MSRA: variants seen among roughly 807,000 people sequenced by gnomAD.
MSRA encodes the protein methionine sulfoxide reductase A, also known as mitochondrial peptide methionine sulfoxide reductase.
Under a neutral mutation model 31.3 loss-of-function variants are expected in MSRA, and 54 were observed. That is an observed-to-expected ratio of 1.73 (90% CI 1.39 to 2.17). The LOEUF (loss-of-function observed/expected upper bound fraction) is 2.17, where lower values mean the gene tolerates loss of function less well. Among genes scored for constraint, MSRA ranks in the 30% most tolerant of loss-of-function variants. The pLI is 0.00. For missense variants in MSRA, 507 were observed against 300.9 expected (o/e 1.69, Z -5.07); for synonymous variants, 169 against 116.5 (o/e 1.45, Z -2.90).
chr8:10,118,044 T>A (rs1800813316), intron 1 of MSRA, among the ~76,000 whole-genome samples: 1 of 152,208 alleles, frequency 6.6e-6, no homozygotes, highest in African/African-American at 2.4e-5. Flanking sequence ...TCAAAGGTGT[T>A]GATAGGATTT....
intron 1 of MSRA, among the ~76,000 whole-genome samples, chr8:10,064,974 G>A (rs907569599): frequency 4.6e-5 from 7 of 152,092 alleles, no homozygotes; most frequent in South Asian, 4.2e-4. Flanking sequence ...TGAAAACCGC[G>A]TAAGAGTTTG....
chr8:10,226,681 G>A (rs1015902170), intron 2 of MSRA, among the ~76,000 whole-genome samples: 1 of 152,200 alleles, frequency 6.6e-6, no homozygotes, highest in African/African-American at 2.4e-5. Context: ...GGTGCCATAT[G>A]TGTGCATATA....
At chr8:10,187,039 A>G (rs565363320) in intron 1 of MSRA, among the ~76,000 whole-genome samples, 4 of 152,142 alleles carry the variant, frequency 2.6e-5, no homozygotes, top group East Asian at 1.9e-4. Context: ...TTCAATTGGG[A>G]CTTACTTTGA....
chr8:10,147,853 C>G (rs1036780619), intron 1 of MSRA, among the ~76,000 whole-genome samples: 1 of 152,220 alleles, frequency 6.6e-6, no homozygotes, highest in Non-Finnish European at 1.5e-5. Flanking sequence ...GTTCACCGCC[C>G]TTCGACTCTG....
chr8:10,264,036 T>C (rs56412062), intron 3 of MSRA, among the ~76,000 whole-genome samples: 14,148 of 152,304 alleles, frequency 0.093, 869 homozygotes, highest in Non-Finnish European at 0.15. Context: ...CTACTTGTCA[T>C]GAAAAGTATA....
At chr8:10,407,280 AC>A (rs1227273666) in intron 5 of MSRA, among the ~76,000 whole-genome samples, 1 of 152,196 alleles carries the variant, frequency 6.6e-6, no homozygotes, top group Non-Finnish European at 1.5e-5. Flanking sequence ...TCACCATCAG[AC>A]TTTCATCAGC....
rs148329516 is a variant in MSRA at position 10,143,916 on chromosome 8, G to A, written c.143-63917G>A. On this transcript the variant is annotated intron_variant, in intron 1 of 5. Transcript: ENST00000317173. ...TCGATTTTGTAGATTCTTGTCTGCTGCTTTTCTATAGGAAGTCCGTGTCAA... is the reference window on the plus strand; with the variant it reads ...TCGATTTTGTAGATTCTTGTCTGCTACTTTTCTATAGGAAGTCCGTGTCAA... Among the ~76,000 whole-genome samples the A allele has an allele frequency of 9.6e-4, 146 of 152,240 alleles. 1 individual carries two copies. Among genetic ancestry groups the A allele is most frequent in the African/African-American group, 3.4e-3 (143 of 41,534 alleles).
At chr8:10,302,131 A>C (rs1330015436) in intron 4 of MSRA, among the ~76,000 whole-genome samples, 1 of 152,246 alleles carries the variant, frequency 6.6e-6, no homozygotes, top group African/African-American at 2.4e-5. Context: ...TAGGTCCACA[A>C]AGCTTGCTCA....
chr8:10,099,315 C>A (rs1451385801), intron 1 of MSRA, among the ~76,000 whole-genome samples: 1 of 152,148 alleles, frequency 6.6e-6, no homozygotes, highest in East Asian at 1.9e-4. Context: ...AGTGTCTCAG[C>A]CGTGGGTATA....
intron 3 of MSRA, among the ~76,000 whole-genome samples, chr8:10,289,793 C>T (rs1490498934): frequency 1.3e-5 from 2 of 152,176 alleles, no homozygotes; most frequent in Non-Finnish European, 2.9e-5. Context: ...CCAGAGAAAC[C>T]TGTCTTTGCT....
At chr8:10,308,428 C>G (rs1801257039) in intron 4 of MSRA, among the ~76,000 whole-genome samples, 1 of 152,218 alleles carries the variant, frequency 6.6e-6, no homozygotes, top group Non-Finnish European at 1.5e-5. Flanking sequence ...TCTCTATCCA[C>G]TTGACCACGT....
intron 1 of MSRA, among the ~76,000 whole-genome samples, chr8:10,090,403 C>G (rs1798797071): frequency 6.6e-6 from 1 of 152,136 alleles, no homozygotes; most frequent in African/African-American, 2.4e-5. Flanking sequence ...GAAGCAGATT[C>G]AGGTGGATAA....
At position 10,210,770 on chromosome 8, in the gene MSRA, G is replaced by A. The variant is rs148651300; in HGVS notation, c.211+2869G>A. Among the ~76,000 whole-genome samples, 1,054 of 147,054 alleles carry A rather than the reference G, an allele frequency of 7.2e-3. 38 individuals are homozygous for A. The highest frequency in any genetic ancestry group is 0.064 in the Admixed American group (942 of 14,696). On this transcript the variant is annotated intron_variant, in intron 2 of 5. Coordinates refer to ENST00000317173, the MANE Select transcript of MSRA (RefSeq NM_012331.5). ...TTTTTTTGAGATGGTGTCTTACTCTGTTGCCCATGCTGGAGTGCACTGGCA... is the reference window on the plus strand; with the variant it reads ...TTTTTTTGAGATGGTGTCTTACTCTATTGCCCATGCTGGAGTGCACTGGCA...
chr8:10,078,082 G>C (rs984060656), intron 1 of MSRA, among the ~76,000 whole-genome samples: 1 of 152,198 alleles, frequency 6.6e-6, no homozygotes, highest in African/African-American at 2.4e-5. Flanking sequence ...GTTTAATTTA[G>C]AACTGCCCTA....
chr8:10,071,978 C>A (rs1399463553), intron 1 of MSRA, among the ~76,000 whole-genome samples: 1 of 152,104 alleles, frequency 6.6e-6, no homozygotes, highest in Non-Finnish European at 1.5e-5. Context: ...TCCAGGGGTC[C>A]CTCGTGGCTG....
chr8:10,301,967 G>A (rs1800873818), intron 4 of MSRA, among the ~76,000 whole-genome samples: 1 of 152,172 alleles, frequency 6.6e-6, no homozygotes, highest in Admixed American at 6.5e-5. Context: ...CAAAATTAAA[G>A]TGTCTTTCCA....
chr8:10,157,761 C>A lies in MSRA; in HGVS notation c.143-50072C>A, dbSNP rs1018790845. On this transcript the variant is annotated intron_variant, in intron 1 of 5. Transcript: ENST00000317173. ...CAATTGCTGATAGGCCTCTCTCCCC[C>A]TCTCTCTGCCCGCCCTCTTCTTCTT... Among the ~76,000 whole-genome samples the A allele has an allele frequency of 2.6e-5, 4 of 152,158 alleles. No homozygotes were observed. In the East Asian group the frequency reaches 7.7e-4, roughly 29 times the overall value.
chr8:10,198,915 C>T (rs1185792826), intron 1 of MSRA, among the ~76,000 whole-genome samples: 1 of 152,154 alleles, frequency 6.6e-6, no homozygotes, highest in Non-Finnish European at 1.5e-5. Flanking sequence ...GTGCCATGAG[C>T]AGTGTAGGAG....
intron 1 of MSRA, among the ~76,000 whole-genome samples, chr8:10,056,226 A>G (rs902951561): frequency 3.6e-5 from 5 of 137,316 alleles, no homozygotes; most frequent in African/African-American, 8.1e-5. Context: ...AAAAAACCCC[A>G]AATAATCCAA....
Sources: allele counts gnomAD v4.1 joint callset (sites outside exome capture counted in the v4.1 genomes callset), GRCh38; gene constraint gnomAD v4.1.1; transcripts MANE v1.5; gene names NCBI Gene and HGNC (gene_info 2026-07-23, HGNC 2026-07-21).